The following RAI1 variants were observed in gnomAD, a reference collection of about 807,000 sequenced individuals.
RAI1 encodes the protein retinoic acid-induced protein 1.
In RAI1, 9 loss-of-function variants were observed where a neutral mutation model predicts 123.8. The observed-to-expected ratio is 0.07, with a 90% CI of 0.04 to 0.13. RAI1 has a LOEUF of 0.13. Ranked by LOEUF, RAI1 falls within the 10% of genes least tolerant of loss-of-function variation. RAI1 has a pLI of 1.00. For synonymous variants in RAI1, 1,231 were observed against 1,127.3 expected (o/e 1.09, Z -1.84); for missense variants, 2,256 against 2,545.8 (o/e 0.89, Z 2.45).
chr17:17,793,438 G>A lies in RAI1; in HGVS notation c.490G>A (p.Val164Met). The stretch of plus-strand genomic sequence containing the variant: ...GCAGTATGCAGAGCAGGGCGCCCAG[G>A]TGCCCTTTCGGACTCACTCCCTGCA... ...SRQYAEQGAQ[V>M]PFRTHSLHVQ... The change falls in exon 3 of 6, where the codon GTG (valine) becomes ATG (methionine). Residue 164 changes from valine to methionine, a missense_variant. Val to Met is a conservative substitution (Grantham distance 21, BLOSUM62 1). Around this residue, in one of 7 missense-constraint regions of RAI1, gnomAD observed 336 missense variants for 349.8 expected, o/e 0.96. Transcript: ENST00000353383. 1 of 1,613,294 alleles carries A rather than the reference G, an allele frequency of 6.2e-7. No individual in the cohort carries two copies. The highest frequency in any genetic ancestry group is 8.5e-7 in the Non-Finnish European group (1 of 1,179,656).
intron 1 of RAI1, among the ~76,000 whole-genome samples, chr17:17,697,398 T>C (rs1915075219): frequency 6.6e-6 from 1 of 152,246 alleles, no homozygotes; most frequent in Non-Finnish European, 1.5e-5. Flanking sequence ...CGCTGTGTAC[T>C]CTCAGAAATG....
intron 4 of RAI1, among the ~76,000 whole-genome samples, chr17:17,805,772 T>C (rs994375475): frequency 2.0e-5 from 3 of 152,302 alleles, no homozygotes; most frequent in South Asian, 2.1e-4. Flanking sequence ...CTCTGAGCAG[T>C]GTGAGCCAGA....
At chr17:17,734,431 G>A (rs977391331) in intron 2 of RAI1, among the ~76,000 whole-genome samples, 13 of 152,130 alleles carry the variant, frequency 8.5e-5, no homozygotes, top group African/African-American at 2.7e-4. Flanking sequence ...GTGAAAGAGC[G>A]AGACCTTGTC....
intron 1 of RAI1, among the ~76,000 whole-genome samples, chr17:17,686,343 C>T (rs549720742): frequency 9.0e-5 from 13 of 145,118 alleles, no homozygotes; most frequent in African/African-American, 5.0e-5. Flanking sequence ...GGGGAGGTGG[C>T]GGGCAGCTTC....
chr17:17,795,964 G>A lies in RAI1; in HGVS notation c.3016G>A (p.Gly1006Arg). 1 of 1,604,424 alleles carries A rather than the reference G, an allele frequency of 6.2e-7. No homozygotes were observed. Among genetic ancestry groups the A allele is most frequent in the Non-Finnish European group, 8.5e-7 (1 of 1,177,776 alleles). ...KSLRSRRVHR[G>R]LPEAEDSPCR... ...CTTACGGAGCCGTCGGGTGCACCGGGGGCTGCCCGAGGCCGAGGACTCCCC... is the reference window on the plus strand; with the variant it reads ...CTTACGGAGCCGTCGGGTGCACCGGAGGCTGCCCGAGGCCGAGGACTCCCC... Residue 1006 changes from glycine to arginine, a missense_variant, in exon 3 of 6, where the codon GGG (glycine) becomes AGG (arginine). Gly to Arg is a moderately radical substitution (Grantham distance 125). Around this residue, in one of 7 missense-constraint regions of RAI1, gnomAD observed 566 missense variants for 616.0 expected, o/e 0.92. Coordinates refer to ENST00000353383, the MANE Select transcript of RAI1 (RefSeq NM_030665.4). The surrounding 1 kb of genome is among the most constrained non-coding windows in gnomAD (Gnocchi z 5.9).
chr17:17,792,134 C>A (rs1412871566), intron 2 of RAI1, among the ~76,000 whole-genome samples: 1 of 152,182 alleles, frequency 6.6e-6, no homozygotes, highest in African/African-American at 2.4e-5. Context: ...GCCACGTAAT[C>A]TGTTTATGCA....
chr17:17,792,421 G>T lies in RAI1; in HGVS notation c.-16-512G>T, dbSNP rs1227196897. Among the ~76,000 whole-genome samples, 4 of 152,288 alleles carry T rather than the reference G, an allele frequency of 2.6e-5. No individual in the cohort carries two copies. The East Asian group carries it at 7.7e-4, about 29-fold the overall frequency. ...CCCTCCTCAGTCCCCAGCATGGCTG[G>T]GTCATGCTTGAACACGGTCGCGAAG... On this transcript the variant is annotated intron_variant, in intron 2 of 5. Transcript: ENST00000353383.
rs2032103189 is a variant in RAI1, at chr17:17,793,536, C to T, written c.588C>T (p.Asp196=). The T allele has an allele frequency of 6.2e-7, 1 of 1,614,052 alleles. No individual in the cohort carries two copies. Among genetic ancestry groups the T allele is most frequent in the Non-Finnish European group, 8.5e-7 (1 of 1,180,030 alleles). ...TCCAAAGGCAGAAGCTGCAGAACGA[C>T]ATTGCCTCCCCTCTGCCCTTCCCCC... ...PKLQRQKLQN[D]IASPLPFPQG... is the part of the protein sequence containing the mutation. Residue 196 remains aspartate, a synonymous_variant, in exon 3 of 6, where the codon GAC becomes GAT. Transcript: ENST00000353383.
At chr17:17,792,443 G>T (rs533409804) in intron 2 of RAI1, among the ~76,000 whole-genome samples, 1 of 152,132 alleles carries the variant, frequency 6.6e-6, no homozygotes, top group African/African-American at 2.4e-5. Flanking sequence ...ACACGGTCGC[G>T]AAGGGACTAA....
chr17:17,791,815 G>C (rs1472299631), intron 2 of RAI1, among the ~76,000 whole-genome samples: 1 of 152,170 alleles, frequency 6.6e-6, no homozygotes, highest in African/African-American at 2.4e-5. Flanking sequence ...TACCCTGGAT[G>C]CTGGGCTGTC....
At chr17:17,804,886 C>T (rs138020186) in intron 4 of RAI1, among the ~76,000 whole-genome samples, 3,911 of 147,714 alleles carry the variant, frequency 0.026, 182 homozygotes, top group African/African-American at 0.096. Context: ...ATTTTTGAGA[C>T]GGAGTCTCAC....
At chr17:17,693,411 G>T (rs1914905998) in intron 1 of RAI1, among the ~76,000 whole-genome samples, 1 of 152,230 alleles carries the variant, frequency 6.6e-6, no homozygotes, top group South Asian at 2.1e-4. Flanking sequence ...GGGGAGACTG[G>T]CTGGGCCTCT....
chr17:17,684,632 T>C (rs568862884), intron 1 of RAI1: 1 of 150,036 alleles, frequency 6.7e-6, no homozygotes, highest in East Asian at 2.0e-4. Flanking sequence ...GTTAATAGTT[T>C]GAACGTATCC....
intron 4 of RAI1, among the ~76,000 whole-genome samples, chr17:17,808,414 A>ATTTTTTTATTTTATTTTATT (rs1266596226): frequency 7.9e-6 from 1 of 125,892 alleles, no homozygotes; most frequent in African/African-American, 3.2e-5. Context: ...ATTTTATTTT[A>ATTTTTTTATTTTATTTTATT]TTATTTTATT....
intron 1 of RAI1, among the ~76,000 whole-genome samples, chr17:17,688,025 CAAAAAA>C (rs61049701): frequency 2.2e-5 from 2 of 90,074 alleles, no homozygotes; most frequent in African/African-American, 4.8e-5. Flanking sequence ...GACTCTGTCT[CAAAAAA>C]AAAAAAAAAA....
chr17:17,683,079 C>T (rs938826428), intron 1 of RAI1, among the ~76,000 whole-genome samples: 3 of 152,242 alleles, frequency 2.0e-5, no homozygotes, highest in Non-Finnish European at 4.4e-5. Context: ...CCCCGCCCCC[C>T]TTTTATGTCT....
chr17:17,767,840 G>A (rs1380662774), intron 2 of RAI1, among the ~76,000 whole-genome samples: 1 of 152,218 alleles, frequency 6.6e-6, no homozygotes, highest in Non-Finnish European at 1.5e-5. Context: ...TGATGTTTGT[G>A]GCAGGGTGGG....
chr17:17,761,974 C>T (rs2030716739), intron 2 of RAI1, among the ~76,000 whole-genome samples: 1 of 152,112 alleles, frequency 6.6e-6, no homozygotes, highest in Non-Finnish European at 1.5e-5. Flanking sequence ...TTTGGTTGAA[C>T]CAGAAGTTCC....
At chr17:17,696,998 A>G (rs890894716) in intron 1 of RAI1, among the ~76,000 whole-genome samples, 2 of 152,156 alleles carry the variant, frequency 1.3e-5, no homozygotes, top group Non-Finnish European at 2.9e-5. Context: ...GGAGGCATGC[A>G]GGCTTGGCAC....
Sources: gnomAD v4.1 joint callset for allele counts (sites outside exome capture counted in the v4.1 genomes callset) on GRCh38, gnomAD v4.1.1 for gene constraint, gnomAD v4.1.1 regional missense constraint, Gnocchi (gnomAD v3.1) non-coding constraint, MANE v1.5 for transcripts, NCBI Gene and HGNC (gene_info 2026-07-23, HGNC 2026-07-21) for gene names.